ZBTB41: variants seen among roughly 807,000 people sequenced by gnomAD.
ZBTB41 encodes the protein zinc finger and BTB domain-containing protein 41.
ZBTB41 carries 42 observed loss-of-function variants against 87.6 expected under a neutral mutation model. The ratio of observed to expected loss-of-function variants is 0.48; its 90% CI spans 0.37 to 0.62. The LOEUF is 0.62. Ranked by LOEUF, ZBTB41 falls within the 20% of genes least tolerant of loss-of-function variation. The pLI is 0.00. For synonymous variants in ZBTB41, 364 were observed against 364.0 expected (o/e 1.00, Z 0.00); for missense variants, 799 against 1,078.9 (o/e 0.74, Z 3.63).
At chr1:197,199,076 A>G (rs1428736015) in intron 2 of ZBTB41, among the ~76,000 whole-genome samples, 3 of 152,186 alleles carry the variant, frequency 2.0e-5, no homozygotes, top group African/African-American at 7.2e-5. Context: ...CTACATGATA[A>G]TTATTGACAC....
At chr1:197,188,019 G>T (rs1026171474) in intron 5 of ZBTB41, among the ~76,000 whole-genome samples, 1 of 152,094 alleles carries the variant, frequency 6.6e-6, no homozygotes, top group Admixed American at 6.6e-5. Flanking sequence ...TAGAGTCTTT[G>T]GGCGATTATG....
rs2125126538 is a variant in ZBTB41 at position 197,169,562 on chromosome 1, G to C, written c.2074+2598C>G. Among the ~76,000 whole-genome samples the C allele has an allele frequency of 2.0e-5, 3 of 152,100 alleles. No homozygotes were observed. In the South Asian group the frequency reaches 6.2e-4, roughly 32 times the overall value. ...TCATCATCTTTGCAAGGAGGTTACTGACTGGGAGGAGCCATAGAGAATCCT... is the reference window on the plus strand; with the variant it reads ...TCATCATCTTTGCAAGGAGGTTACTCACTGGGAGGAGCCATAGAGAATCCT... On this transcript the variant is annotated intron_variant, in intron 10 of 10. Transcript: ENST00000367405.
At chr1:197,188,586 T>G in intron 4 of ZBTB41, 147 bp from the exon 5 acceptor site, 1 of 795,644 alleles carries the variant, frequency 1.3e-6, no homozygotes, top group South Asian at 2.1e-5. Flanking sequence ...CAATTCTAAT[T>G]GTGCAGAAAA....
At chr1:197,166,044 ATGGGGG>A (rs1282629857) in intron 10 of ZBTB41, among the ~76,000 whole-genome samples, 4 of 144,592 alleles carry the variant, frequency 2.8e-5, no homozygotes, top group Non-Finnish European at 6.1e-5. Flanking sequence ...CTGTTGGGGG[ATGGGGG>A]GGCCTGGGGA....
chr1:197,185,752 C>T (rs777621288), intron 5 of ZBTB41, among the ~76,000 whole-genome samples: 24 of 151,956 alleles, frequency 1.6e-4, no homozygotes, highest in Non-Finnish European at 2.5e-4. Flanking sequence ...AACAATCCCC[C>T]AAAATGAAAT....
intron 10 of ZBTB41, among the ~76,000 whole-genome samples, chr1:197,166,097 G>A (rs182139794): frequency 2.0e-5 from 3 of 152,130 alleles, no homozygotes; most frequent in African/African-American, 4.8e-5. Flanking sequence ...TGTAGGTGAC[G>A]GGTTGATGGG....
At chr1:197,188,606 A>G (rs1659941888) in intron 4 of ZBTB41, among the ~76,000 whole-genome samples, 167 bp from the exon 5 acceptor site, 1 of 152,218 alleles carries the variant, frequency 6.6e-6, no homozygotes, top group Non-Finnish European at 1.5e-5. Context: ...AAAATGCTCT[A>G]GAGGAAGTAA....
chr1:197,201,146 AG>A lies in ZBTB41; in HGVS notation c.-118+76del, dbSNP rs1209441013. Among the ~76,000 whole-genome samples, 17 of 152,320 alleles carry A rather than the reference AG, an allele frequency of 1.1e-4. No homozygotes were observed. In the South Asian group the frequency reaches 3.5e-3, roughly 32 times the overall value. On this transcript the variant is annotated intron_variant, in intron 1 of 10. Transcript: ENST00000367405. Reference sequence around the variant, plus strand: ...GCTTTCCCAGGCCCGGGCAAGGCGGAGAATGCGCTTGTAGTCGGCGATCCCG... The same window carrying A: ...GCTTTCCCAGGCCCGGGCAAGGCGGAAATGCGCTTGTAGTCGGCGATCCCG...
chr1:197,164,808 T>TATATATTATATATAATACGTATCTA (rs1557975145), intron 10 of ZBTB41, among the ~76,000 whole-genome samples: 42 of 45,198 alleles, frequency 9.3e-4, no homozygotes, highest in Non-Finnish European at 1.6e-3. Context: ...TAATATATTA[T>TATATATTATATATAATACGTATCTA]ATATATTATA....
chr1:197,189,309 T>G (rs1659964756), intron 4 of ZBTB41, among the ~76,000 whole-genome samples: 2 of 152,060 alleles, frequency 1.3e-5, no homozygotes, highest in Non-Finnish European at 2.9e-5. Context: ...GTAGATCACC[T>G]GGGGTCAGAA....
intron 10 of ZBTB41, among the ~76,000 whole-genome samples, chr1:197,165,059 G>C (rs1250860547): frequency 2.0e-5 from 3 of 147,882 alleles, no homozygotes; most frequent in African/African-American, 7.5e-5. Context: ...GGTTACAGTA[G>C]AGATTTTCAC....
At chr1:197,179,543 T>G (rs1298407062) in intron 6 of ZBTB41, among the ~76,000 whole-genome samples, 1 of 151,970 alleles carries the variant, frequency 6.6e-6, no homozygotes, top group Non-Finnish European at 1.5e-5. Flanking sequence ...GAAAACTAAC[T>G]GTAAAACAGC....
chr1:197,195,087 C>T (rs960088135), intron 2 of ZBTB41, among the ~76,000 whole-genome samples: 55 of 152,182 alleles, frequency 3.6e-4, no homozygotes, highest in African/African-American at 1.3e-3. Context: ...TGGAGTGGGG[C>T]ATTCAATAAT....
At chr1:197,174,968 T>G (rs774645804) in intron 9 of ZBTB41, 42 bp downstream of exon 9, 3 of 1,516,496 alleles carry the variant, frequency 2.0e-6, no homozygotes, top group African/African-American at 2.8e-5. Context: ...CCTCAGAGAC[T>G]TAGCCAATGT....
At chr1:197,188,827 A>G (rs1449380626) in intron 4 of ZBTB41, among the ~76,000 whole-genome samples, 1 of 152,186 alleles carries the variant, frequency 6.6e-6, no homozygotes, top group Non-Finnish European at 1.5e-5. Flanking sequence ...TCACAGAAAA[A>G]TTATTTTAAA....
chr1:197,199,927 G>GA lies in ZBTB41; in HGVS notation c.546dup (p.His183SerfsTer6). The stretch of plus-strand genomic sequence containing the variant: ...GATGACTTTTCAGTTAGCTCTGAAT[G>GA]AAAAGGGGCAACATTTTCGTTATTT... On this transcript the variant is annotated frameshift_variant, in exon 2 of 11. Transcript: ENST00000367405. LOFTEE classifies it high-confidence loss of function. 1 of 1,612,690 alleles carries GA rather than the reference G, an allele frequency of 6.2e-7. No individual in the cohort carries two copies. The highest frequency in any genetic ancestry group is 1.7e-5 in the Admixed American group (1 of 59,914).
In ZBTB41 at chr1:197,182,411, C is replaced by A. The variant is rs148132016; in HGVS notation, c.1547-1294G>T. Among the ~76,000 whole-genome samples, 1,124 of 151,990 alleles carry A rather than the reference C, an allele frequency of 7.4e-3. 13 individuals are homozygous for A. Among genetic ancestry groups the A allele is most frequent in the African/African-American group, 0.026 (1,069 of 41,474 alleles). ...TTTTAAACAACCTCCTGGGCTCAAG[C>A]AATCCTTCCACTTCAGCCTCCCCTC... On this transcript the variant is annotated intron_variant, in intron 5 of 10. Coordinates refer to ENST00000367405, the MANE Select transcript of ZBTB41 (RefSeq NM_194314.3).
chr1:197,175,285 C>CA (rs1443419871), intron 8 of ZBTB41, among the ~76,000 whole-genome samples, 170 bp from the exon 9 acceptor site: 1 of 151,274 alleles, frequency 6.6e-6, no homozygotes, highest in African/African-American at 2.4e-5. Context: ...TAACTTTCTT[C>CA]AAAAAATGTA....
At chr1:197,161,472 T>TA (rs1553229751) in intron 10 of ZBTB41, among the ~76,000 whole-genome samples, 2 of 148,420 alleles carry the variant, frequency 1.3e-5, no homozygotes, top group South Asian at 2.2e-4. Flanking sequence ...TGTTAAATAT[T>TA]TTGTAGCCCA....
Sources: allele counts gnomAD v4.1 joint callset (sites outside exome capture counted in the v4.1 genomes callset), GRCh38; gene constraint gnomAD v4.1.1; transcripts MANE v1.5; gene names NCBI Gene and HGNC (gene_info 2026-07-23, HGNC 2026-07-21).